CNTNAP2: variants seen among roughly 807,000 people sequenced by gnomAD.
CNTNAP2 encodes the protein contactin associated protein 2, also known as contactin-associated protein-like 2.
A neutral mutation model predicts 155.2 loss-of-function variants in CNTNAP2; 98 were observed. The ratio of observed to expected loss-of-function variants is 0.63; its 90% CI spans 0.54 to 0.75. The LOEUF is 0.75. Among genes scored for constraint, CNTNAP2 ranks in the 30% least tolerant of loss-of-function variants. The pLI is 0.00. For synonymous variants in CNTNAP2, 651 were observed against 631.2 expected (o/e 1.03, Z -0.47); for missense variants, 1,727 against 1,688.1 (o/e 1.02, Z -0.40).
At chr7:147,425,492 G>A (rs867844890) in intron 10 of CNTNAP2, among the ~76,000 whole-genome samples, 1 of 151,880 alleles carries the variant, frequency 6.6e-6, no homozygotes, top group Non-Finnish European at 1.5e-5. Flanking sequence ...ACCCCAAAGT[G>A]CAGAGACAAA....
At chr7:147,611,338 C>G (rs975469126) in intron 12 of CNTNAP2, among the ~76,000 whole-genome samples, 1 of 152,128 alleles carries the variant, frequency 6.6e-6, no homozygotes, top group Non-Finnish European at 1.5e-5. Flanking sequence ...GAATTCTTGA[C>G]TAGCAAATGC....
At position 147,505,424 on chromosome 7, in the gene CNTNAP2, G is replaced by A. The variant is rs185252921; in HGVS notation, c.1777+19383G>A. On this transcript the variant is annotated intron_variant, in intron 11 of 23. Transcript: ENST00000361727. ...AATAATGAGAATGATATCCAGCAGCGACATGCAAAAATCTCTTTTATTATT... is the reference window on the plus strand; with the variant it reads ...AATAATGAGAATGATATCCAGCAGCAACATGCAAAAATCTCTTTTATTATT... 3.0e-3 allele frequency among the ~76,000 whole-genome samples: 452 copies of A among 152,052 alleles called. 2 individuals are homozygous for A. Among genetic ancestry groups the A allele is most frequent in the Middle Eastern group, 0.014 (4 of 294 alleles).
chr7:147,948,418 A>G (rs371474135), intron 14 of CNTNAP2, among the ~76,000 whole-genome samples: 13 of 151,888 alleles, frequency 8.6e-5, no homozygotes, highest in East Asian at 1.9e-4. Flanking sequence ...CATCTCATGT[A>G]CCCCCATAAG....
At chr7:146,742,696 A>G (rs1289730209) in intron 1 of CNTNAP2, among the ~76,000 whole-genome samples, 6 of 152,168 alleles carry the variant, frequency 3.9e-5, no homozygotes, top group South Asian at 4.1e-4. Flanking sequence ...TAAAAAATCA[A>G]TGATTTACTA....
At position 148,417,747 on chromosome 7, in the gene CNTNAP2, G is replaced by A. The variant is rs1800027454; in HGVS notation, c.*2131G>A. On this transcript the variant is annotated 3_prime_UTR_variant, in exon 24 of 24. Transcript: ENST00000361727. Reference sequence around the variant, plus strand: ...TGCACTTACCAAATAATGCCAGATGGAAATTTATTATTTCTTGCAATTCCC... The same window carrying A: ...TGCACTTACCAAATAATGCCAGATGAAAATTTATTATTTCTTGCAATTCCC... 1 of 152,290 alleles carries A rather than the reference G, an allele frequency of 6.6e-6. No individual in the cohort carries two copies. Among genetic ancestry groups the A allele is most frequent in the East Asian group, 1.9e-4 (1 of 5,184 alleles). The allele number at this position is 152,290 out of a possible 1,614,324, so 9.4% of individuals were successfully genotyped here.
chr7:146,856,277 GATAGATAGATAGATAGATAGATACATAC>G (rs1334119396), intron 3 of CNTNAP2, among the ~76,000 whole-genome samples: 866 of 73,296 alleles, frequency 0.012, 11 homozygotes, highest in African/African-American at 0.039. Context: ...TAGATAGATA[GATAGATAGATAGATAGATAGATACATAC>G]ATACATACAT....
intron 4 of CNTNAP2, among the ~76,000 whole-genome samples, chr7:147,065,575 A>G (rs1053744734): frequency 6.6e-6 from 1 of 152,172 alleles, no homozygotes; most frequent in Admixed American, 6.6e-5. Context: ...TTGAACCTAC[A>G]TGTCTGTTGT....
chr7:147,248,418 T>C lies in CNTNAP2; in HGVS notation c.1349-51723T>C, dbSNP rs1340951136. On this transcript the variant is annotated intron_variant, in intron 8 of 23. Transcript: ENST00000361727. ...TTCAGGTACACTTCGCAGTCTTGGT[T>C]GAGTGCAAGGAGGCAAGTGAGCAGC... Among the ~76,000 whole-genome samples, 5 of 152,112 alleles carry C rather than the reference T, an allele frequency of 3.3e-5. No individual in the cohort carries two copies. In the South Asian group the frequency reaches 8.3e-4, roughly 25 times the overall value.
At chr7:148,329,835 T>A (rs1273478304) in intron 21 of CNTNAP2, among the ~76,000 whole-genome samples, 1 of 152,044 alleles carries the variant, frequency 6.6e-6, no homozygotes, top group Non-Finnish European at 1.5e-5. Context: ...GAGATATCTC[T>A]TCACCCTCGA....
At chr7:148,078,042 T>A (rs188380714) in intron 15 of CNTNAP2, among the ~76,000 whole-genome samples, 1 of 152,212 alleles carries the variant, frequency 6.6e-6, no homozygotes, top group Admixed American at 6.5e-5. Context: ...TTAAAAAGAT[T>A]AATGTACCCA....
At chr7:146,824,001 G>T (rs1476993277) in intron 2 of CNTNAP2, among the ~76,000 whole-genome samples, 2 of 152,000 alleles carry the variant, frequency 1.3e-5, no homozygotes, top group African/African-American at 4.8e-5. Flanking sequence ...AGCCCCACAT[G>T]CATTAGGTAT....
chr7:147,091,135 G>A (rs556065170), intron 4 of CNTNAP2, among the ~76,000 whole-genome samples: 6 of 152,106 alleles, frequency 3.9e-5, no homozygotes, highest in African/African-American at 1.4e-4. Flanking sequence ...GGATGATCAT[G>A]GAGTCTCTTA....
intron 1 of CNTNAP2, among the ~76,000 whole-genome samples, chr7:146,720,974 TAGAC>T (rs1241667797): frequency 1.2e-3 from 142 of 115,174 alleles, no homozygotes; most frequent in South Asian, 1.9e-3. Context: ...AGTATATATA[TAGAC>T]TATATATACT....
intron 1 of CNTNAP2, among the ~76,000 whole-genome samples, chr7:146,377,833 A>T (rs1219042120): frequency 6.6e-6 from 1 of 152,196 alleles, no homozygotes; most frequent in African/African-American, 2.4e-5. Context: ...ATGAGTTATT[A>T]ATTGTTGAAG....
chr7:146,944,484 T>C (rs570669575), intron 3 of CNTNAP2, among the ~76,000 whole-genome samples: 1 of 152,250 alleles, frequency 6.6e-6, no homozygotes, highest in South Asian at 2.1e-4. Context: ...AAAATATTCA[T>C]AAAGGAATAA....
chr7:146,867,623 T>A (rs957518591), intron 3 of CNTNAP2, among the ~76,000 whole-genome samples: 3 of 152,160 alleles, frequency 2.0e-5, no homozygotes, highest in Non-Finnish European at 4.4e-5. Flanking sequence ...GTTGAACTAG[T>A]TTACACCCAC....
chr7:146,563,245 T>C (rs73468425), intron 1 of CNTNAP2, among the ~76,000 whole-genome samples: 4,600 of 152,298 alleles, frequency 0.03, 252 homozygotes, highest in African/African-American at 0.1. Context: ...AACTATATTC[T>C]TGCATTTCCT....
intron 1 of CNTNAP2, among the ~76,000 whole-genome samples, chr7:146,281,775 C>T (rs1271961529): frequency 6.6e-6 from 1 of 150,482 alleles, no homozygotes; most frequent in Non-Finnish European, 1.5e-5. Context: ...AGCCTGGCAA[C>T]CAAGTGAGAT....
At chr7:147,774,465 T>C (rs1415754297) in intron 13 of CNTNAP2, among the ~76,000 whole-genome samples, 1 of 152,358 alleles carries the variant, frequency 6.6e-6, no homozygotes, top group East Asian at 1.9e-4. Flanking sequence ...GAAATTGTTA[T>C]GGACTGAATG....
Sources: gnomAD v4.1 joint callset for allele counts (sites outside exome capture counted in the v4.1 genomes callset) on GRCh38, gnomAD v4.1.1 for gene constraint, MANE v1.5 for transcripts, NCBI Gene and HGNC (gene_info 2026-07-23, HGNC 2026-07-21) for gene names.